The following CRTAC1 variants were observed in gnomAD, a reference collection of about 807,000 sequenced individuals.
The protein encoded by CRTAC1 is acidic secreted protein in cartilage.
In CRTAC1, 37 loss-of-function variants were observed where a neutral mutation model predicts 67.8. The observed-to-expected ratio is 0.55, with a 90% CI of 0.42 to 0.72. The LOEUF is 0.72. CRTAC1 is among the 30% of genes least tolerant of loss of function. CRTAC1 has a pLI of 0.00. For synonymous variants in CRTAC1, 348 were observed against 371.0 expected, an observed-to-expected ratio of 0.94 and a Z score of 0.71; for missense variants, 780 against 931.6, an observed-to-expected ratio of 0.84 and a Z score of 2.12.
intron 14 of CRTAC1, chr10:97,866,033 C>A (rs535883681): frequency 4.2e-5 from 14 of 336,704 alleles, no homozygotes; most frequent in African/African-American, 2.5e-4. Context: ...CAGCCCCTCT[C>A]CCAACCCTGC....
Position 98,021,971 on chromosome 10 carries a change from A to G in CRTAC1, c.24+8478T>C, listed in dbSNP as rs1564939547. Among the ~76,000 whole-genome samples, 3 of 152,252 alleles carry G rather than the reference A, an allele frequency of 2.0e-5. No homozygotes were observed. The South Asian group carries it at 6.2e-4, about 32-fold the overall frequency. On this transcript the variant is annotated intron_variant, in intron 1 of 14. Transcript: ENST00000370597. Reference sequence around the variant, plus strand: ...AAGATGCCTATGGGCCACGTTAGAAATGATGAAAAAGACGTGGTCCCTGAC... The same window carrying G: ...AAGATGCCTATGGGCCACGTTAGAAGTGATGAAAAAGACGTGGTCCCTGAC...
intron 2 of CRTAC1, among the ~76,000 whole-genome samples, chr10:97,939,951 G>A (rs890443332): frequency 6.6e-6 from 1 of 152,144 alleles, no homozygotes; most frequent in Non-Finnish European, 1.5e-5. Context: ...TGTGCTTCTT[G>A]AGCTCAGGAA....
chr10:97,895,502 G>T lies in CRTAC1; in HGVS notation c.1318-89C>A. 1 of 1,174,454 alleles carries T rather than the reference G, an allele frequency of 8.5e-7. No homozygotes were observed. Among genetic ancestry groups the T allele is most frequent in the Non-Finnish European group, 1.2e-6 (1 of 837,436 alleles). The allele number at this position is 1,174,454 out of a possible 1,614,324, so 72.8% of individuals were successfully genotyped here. On this transcript the variant is annotated intron_variant, in intron 10 of 14. Transcript: ENST00000370597. The surrounding 1 kb of genome is among the most constrained non-coding windows in gnomAD (Gnocchi z 4.2). ...AGCCAGGGAGGACGGGAGGGGGAGA[G>T]GGAGAAGAAGGAGGAAGAGAAGAAA...
chr10:97,889,405 G>A (rs972902573), intron 11 of CRTAC1, among the ~76,000 whole-genome samples: 1 of 151,406 alleles, frequency 6.6e-6, no homozygotes, highest in African/African-American at 2.4e-5. Context: ...CGTCTGCACC[G>A]AGGAGCAGCA....
At chr10:98,018,867 A>G (rs1843059925) in intron 1 of CRTAC1, among the ~76,000 whole-genome samples, 1 of 152,168 alleles carries the variant, frequency 6.6e-6, no homozygotes, top group South Asian at 2.1e-4. Context: ...CACCCACAAA[A>G]GAGCTCCTGG....
chr10:97,941,034 T>C (rs186953754), intron 2 of CRTAC1, among the ~76,000 whole-genome samples: 33 of 152,260 alleles, frequency 2.2e-4, no homozygotes, highest in Non-Finnish European at 3.8e-4. Flanking sequence ...ACTTTCCCGC[T>C]GCCTATTTGC....
intron 2 of CRTAC1, among the ~76,000 whole-genome samples, chr10:97,956,069 A>G (rs1389260955): frequency 6.6e-6 from 1 of 152,212 alleles, no homozygotes; most frequent in Non-Finnish European, 1.5e-5. Flanking sequence ...TGCTTCTGTT[A>G]AAGGCCTACG....
chr10:97,954,989 C>T (rs1010391578), intron 2 of CRTAC1, among the ~76,000 whole-genome samples: 2 of 152,186 alleles, frequency 1.3e-5, no homozygotes, highest in African/African-American at 2.4e-5. Context: ...GGGGGACCAC[C>T]ATTCAACCAC....
chr10:97,943,788 C>A (rs1419627480), intron 2 of CRTAC1, among the ~76,000 whole-genome samples: 1 of 152,208 alleles, frequency 6.6e-6, no homozygotes, highest in African/African-American at 2.4e-5. Context: ...TCTATGGCTG[C>A]TTTTGCTAAA....
chr10:97,904,755 C>G lies in CRTAC1; in HGVS notation c.910G>C (p.Gly304Arg), dbSNP rs770660379. Residue 304 changes from glycine to arginine, a missense_variant, in exon 7 of 15, where the codon GGC (glycine) becomes CGC (arginine). Physicochemically the swap from Gly to Arg is moderately radical, Grantham distance 125. Transcript: ENST00000370597. ...TTGCCATAGACGATGTCCACTTTGC[C>G]ATCACGGTTGAAGTCAGCCAGGGCG... ...GVALADFNRD[G>R]KVDIVYGNWN... 6.2e-7 allele frequency: 1 copy of G among 1,607,566 alleles called. No individual in the cohort carries two copies. Among genetic ancestry groups the G allele is most frequent in the South Asian group, 1.1e-5 (1 of 89,958 alleles).
chr10:97,877,677 G>A (rs2050163510), intron 14 of CRTAC1, among the ~76,000 whole-genome samples: 1 of 152,236 alleles, frequency 6.6e-6, no homozygotes. Context: ...TTATCCTGGA[G>A]TCTGAGTGCT....
chr10:98,025,476 C>T (rs1052500699), intron 1 of CRTAC1, among the ~76,000 whole-genome samples: 10 of 152,202 alleles, frequency 6.6e-5, no homozygotes, highest in East Asian at 5.8e-4. Context: ...AGGGGAAAAA[C>T]GGTCTTCCTC....
At chr10:97,954,479 G>T (rs1242447928) in intron 2 of CRTAC1, among the ~76,000 whole-genome samples, 3 of 152,328 alleles carry the variant, frequency 2.0e-5, no homozygotes, top group Non-Finnish European at 2.9e-5. Flanking sequence ...CCCAGATTCT[G>T]CCCTTTGAAG....
intron 1 of CRTAC1, among the ~76,000 whole-genome samples, chr10:98,015,572 C>T (rs1411398345): frequency 6.6e-6 from 1 of 152,188 alleles, no homozygotes; most frequent in Non-Finnish European, 1.5e-5. Context: ...GATATTCTGA[C>T]TTAACTGGCA....
At chr10:97,956,060 GC>G (rs1266206147) in intron 2 of CRTAC1, among the ~76,000 whole-genome samples, 1 of 152,204 alleles carries the variant, frequency 6.6e-6, no homozygotes, top group African/African-American at 2.4e-5. Flanking sequence ...AATCACACCT[GC>G]TTCTGTTAAA....
intron 7 of CRTAC1, among the ~76,000 whole-genome samples, chr10:97,904,248 G>A (rs551929967): frequency 2.6e-4 from 39 of 151,862 alleles, no homozygotes; most frequent in African/African-American, 8.0e-4. Flanking sequence ...GTAGTCCCTC[G>A]TCCCCTGGTG....
intron 2 of CRTAC1, among the ~76,000 whole-genome samples, chr10:97,967,336 G>C (rs892144378): frequency 6.6e-6 from 1 of 152,124 alleles, no homozygotes; most frequent in Non-Finnish European, 1.5e-5. Context: ...GGCTTTTCAA[G>C]CACCTCCTTA....
chr10:97,972,567 C>T (rs1428197003), intron 2 of CRTAC1, among the ~76,000 whole-genome samples: 2 of 152,152 alleles, frequency 1.3e-5, no homozygotes, highest in Non-Finnish European at 2.9e-5. Context: ...GAATCTACTA[C>T]ATTATCTCTG....
intron 13 of CRTAC1, among the ~76,000 whole-genome samples, chr10:97,880,659 G>A (rs963611831): frequency 1.3e-5 from 2 of 152,090 alleles, no homozygotes; most frequent in Admixed American, 6.5e-5. Context: ...GGATGATTCC[G>A]AAAGTTCTAT....
Sources: allele counts gnomAD v4.1 joint callset (sites outside exome capture counted in the v4.1 genomes callset), GRCh38; gene constraint gnomAD v4.1.1; non-coding constraint Gnocchi (gnomAD v3.1); transcripts MANE v1.5; gene names NCBI Gene and HGNC (gene_info 2026-07-23, HGNC 2026-07-21).